Variants in PTPRR observed in about 807,000 individuals in gnomAD.
The protein encoded by PTPRR is receptor-type tyrosine-protein phosphatase R.
PTPRR carries 38 observed loss-of-function variants against 77.2 expected under a neutral mutation model. The observed-to-expected ratio is 0.49, with a 90% CI of 0.38 to 0.65. The LOEUF (loss-of-function observed/expected upper bound fraction) is 0.65. PTPRR is among the 30% of genes least tolerant of loss of function. The probability of loss-of-function intolerance (pLI) is 0.00; values close to 1 mark genes in which losing one functional copy is unlikely to be tolerated. For synonymous variants in PTPRR, 299 were observed against 283.1 expected (o/e 1.06, Z -0.57); for missense variants, 744 against 799.2 (o/e 0.93, Z 0.83).
At chr12:70,846,599 G>A (rs910398719) in intron 2 of PTPRR, among the ~76,000 whole-genome samples, 1 of 152,074 alleles carries the variant, frequency 6.6e-6, no homozygotes, top group East Asian at 1.9e-4. Flanking sequence ...TAGATCATGA[G>A]GGCAGATCCC....
At chr12:70,659,332 C>A (rs1886709879) in intron 12 of PTPRR, among the ~76,000 whole-genome samples, 1 of 152,074 alleles carries the variant, frequency 6.6e-6, no homozygotes, top group Non-Finnish European at 1.5e-5. Flanking sequence ...TTCTAAAATA[C>A]ATGGATGAGG....
chr12:70,913,028 G>A (rs1592830444), intron 1 of PTPRR, among the ~76,000 whole-genome samples: 1 of 152,128 alleles, frequency 6.6e-6, no homozygotes, highest in African/African-American at 2.4e-5. Flanking sequence ...TTGACTCACA[G>A]AACAACTTTT....
intron 8 of PTPRR, among the ~76,000 whole-genome samples, chr12:70,691,319 A>G (rs1208594381): frequency 2.6e-5 from 4 of 151,202 alleles, no homozygotes; most frequent in Non-Finnish European, 4.4e-5. Flanking sequence ...CCTTTTTTCG[A>G]GTTTTCTCTT....
chr12:70,847,887 A>G (rs1892511015), intron 2 of PTPRR, among the ~76,000 whole-genome samples: 1 of 152,236 alleles, frequency 6.6e-6, no homozygotes, highest in Non-Finnish European at 1.5e-5. Flanking sequence ...TAGTTGTAAC[A>G]TATAATTTGT....
At chr12:70,703,851 T>C (rs1888518540) in intron 6 of PTPRR, among the ~76,000 whole-genome samples, 1 of 152,126 alleles carries the variant, frequency 6.6e-6, no homozygotes, top group Non-Finnish European at 1.5e-5. Flanking sequence ...GTGAGATCTC[T>C]TCCATCTGGA....
At chr12:70,709,088 A>T (rs1888725867) in intron 6 of PTPRR, among the ~76,000 whole-genome samples, 1 of 152,156 alleles carries the variant, frequency 6.6e-6, no homozygotes, top group African/African-American at 2.4e-5. Context: ...AAATACTGGC[A>T]AACGAAATCC....
intron 10 of PTPRR, among the ~76,000 whole-genome samples, chr12:70,682,034 CTTTTTTTT>C (rs578204454): frequency 2.6e-4 from 16 of 62,726 alleles, no homozygotes; most frequent in Middle Eastern, 0.016. Context: ...TTGTTGTTCA[CTTTTTTTT>C]TTTTTTTTTT....
chr12:70,694,548 A>G (rs561458166), intron 8 of PTPRR, among the ~76,000 whole-genome samples: 1 of 152,320 alleles, frequency 6.6e-6, no homozygotes, highest in Admixed American at 6.5e-5. Flanking sequence ...AAATTAACAC[A>G]GGAACAGAAA....
At chr12:70,767,816 C>T (rs1435074971) in intron 2 of PTPRR, among the ~76,000 whole-genome samples, 1 of 152,204 alleles carries the variant, frequency 6.6e-6, no homozygotes, top group Non-Finnish European at 1.5e-5. Context: ...ACAATTGTCT[C>T]TCAGACCACA....
Position 70,860,124 on chromosome 12 carries a change from G to A in PTPRR, c.357+32555C>T, listed in dbSNP as rs1007892769. Among the ~76,000 whole-genome samples, 79 of 152,130 alleles carry A rather than the reference G, an allele frequency of 5.2e-4. 2 individuals are homozygous for A. Among genetic ancestry groups the A allele is most frequent in the Admixed American group, 2.2e-3 (33 of 15,264 alleles). On this transcript the variant is annotated intron_variant, in intron 2 of 13. Transcript: ENST00000283228. Reference sequence around the variant, plus strand: ...ATACTTTCTGGCAAAAGGATACAGTGACAGTTTTCAGTACTACAGATACAT... The same window carrying A: ...ATACTTTCTGGCAAAAGGATACAGTAACAGTTTTCAGTACTACAGATACAT...
chr12:70,763,507 G>A (rs1890740431), intron 3 of PTPRR, among the ~76,000 whole-genome samples: 1 of 152,100 alleles, frequency 6.6e-6, no homozygotes, highest in African/African-American at 2.4e-5. Context: ...TTTACTTCTA[G>A]AACATTGTTG....
intron 3 of PTPRR, among the ~76,000 whole-genome samples, chr12:70,764,295 G>A (rs184103582): frequency 2.0e-5 from 3 of 152,244 alleles, no homozygotes; most frequent in African/African-American, 7.2e-5. Context: ...TCACTCTAAT[G>A]GAGAATATTT....
At chr12:70,658,222 G>A (rs573372489) in intron 12 of PTPRR, among the ~76,000 whole-genome samples, 104 of 152,170 alleles carry the variant, frequency 6.8e-4, no homozygotes, top group Non-Finnish European at 1.4e-3. Context: ...TTCTTGGTCA[G>A]AAATGCCCTC....
At chr12:70,844,736 A>G (rs145318393) in intron 2 of PTPRR, among the ~76,000 whole-genome samples, 43 of 152,330 alleles carry the variant, frequency 2.8e-4, no homozygotes, top group African/African-American at 9.9e-4. Context: ...CAAAATTCCA[A>G]TAGACTTCAG....
At chr12:70,813,105 G>A (rs1891839164) in intron 2 of PTPRR, among the ~76,000 whole-genome samples, 2 of 152,188 alleles carry the variant, frequency 1.3e-5, no homozygotes, top group South Asian at 2.1e-4. Flanking sequence ...ATATGTGATC[G>A]CTTAACTTTT....
At chr12:70,819,408 T>C (rs1891965393) in intron 2 of PTPRR, among the ~76,000 whole-genome samples, 1 of 152,196 alleles carries the variant, frequency 6.6e-6, no homozygotes, top group Admixed American at 6.5e-5. Flanking sequence ...TTTTGCAAAG[T>C]ATTTATGGTC....
chr12:70,689,811 T>C (rs1887995860), intron 8 of PTPRR, among the ~76,000 whole-genome samples: 1 of 152,178 alleles, frequency 6.6e-6, no homozygotes, highest in Non-Finnish European at 1.5e-5. Flanking sequence ...AGTACGCATA[T>C]CCAAATATGT....
intron 2 of PTPRR, among the ~76,000 whole-genome samples, chr12:70,824,475 G>T (rs2137044192): frequency 6.6e-6 from 1 of 152,138 alleles, no homozygotes; most frequent in South Asian, 2.1e-4. Flanking sequence ...CTACTGTGAA[G>T]GAATTAAATA....
intron 4 of PTPRR, among the ~76,000 whole-genome samples, chr12:70,758,003 C>A (rs1181498699): frequency 6.6e-6 from 1 of 152,320 alleles, no homozygotes; most frequent in East Asian, 1.9e-4. Context: ...GGGGTGCCTG[C>A]TCACTACAGA....
Sources: gnomAD v4.1 joint callset for allele counts (sites outside exome capture counted in the v4.1 genomes callset) on GRCh38, gnomAD v4.1.1 for gene constraint, MANE v1.5 for transcripts, NCBI Gene and HGNC (gene_info 2026-07-23, HGNC 2026-07-21) for gene names.